The following CREBRF variants were observed in gnomAD, a reference collection of about 807,000 sequenced individuals.
The protein encoded by CREBRF is CREB3 regulatory factor, also known as UPF0474 protein C5orf41.
Under a neutral mutation model 66.1 loss-of-function variants are expected in CREBRF, and 5 were observed. The observed-to-expected ratio is 0.08, with a 90% confidence interval of 0.04 to 0.16. The LOEUF (loss-of-function observed/expected upper bound fraction) is 0.16, where lower values mean the gene tolerates loss of function less well. Ranked by LOEUF, CREBRF falls within the 10% of genes least tolerant of loss-of-function variation. The probability of loss-of-function intolerance (pLI) is 1.00; values close to 1 mark genes in which losing one functional copy is unlikely to be tolerated. For synonymous variants in CREBRF, 229 were observed against 264.4 expected (o/e 0.87, Z 1.30); for missense variants, 531 against 744.9 (o/e 0.71, Z 3.34).
At chr5:173,110,289 G>T (rs532412024) in intron 5 of CREBRF, 2 of 602,088 alleles carry the variant, frequency 3.3e-6, no homozygotes, top group African/African-American at 3.7e-5. Flanking sequence ...GAAGAACTTG[G>T]AAAAAGTTAG....
intron 1 of CREBRF, among the ~76,000 whole-genome samples, chr5:173,067,594 T>C (rs1757470186): frequency 6.6e-6 from 1 of 152,230 alleles, no homozygotes; most frequent in African/African-American, 2.4e-5. Flanking sequence ...ATTTAAATAC[T>C]GGTAGTTACA....
At chr5:173,063,705 T>TA (rs1458159711) in intron 1 of CREBRF, among the ~76,000 whole-genome samples, 13 of 150,818 alleles carry the variant, frequency 8.6e-5, no homozygotes, top group Admixed American at 4.6e-4. Flanking sequence ...ATTTCTTGAT[T>TA]AAAAAGAATT....
At chr5:173,089,731 G>GTGTTGT (rs886925464) in intron 3 of CREBRF, among the ~76,000 whole-genome samples, 32 of 151,602 alleles carry the variant, frequency 2.1e-4, no homozygotes, top group African/African-American at 7.8e-4. Flanking sequence ...GCCTGCCCAA[G>GTGTTGT]TGTTGTTATA....
chr5:173,090,317 T>C lies in CREBRF; in HGVS notation c.138T>C (p.Asp46=), dbSNP rs763786078. The change falls in exon 4 of 9, where the codon GAT becomes GAC. Residue 46 remains aspartate, a splice_region_variant and synonymous_variant. Coordinates refer to ENST00000296953, the MANE Select transcript of CREBRF (RefSeq NM_153607.3). The surrounding 1 kb of genome is among the most constrained non-coding windows in gnomAD (Gnocchi z 4.5). The part of the protein sequence containing the change: ...SSDPDFMYEL[D]REMNYQQNPR... ...TTCTTTTTTAAAACCTTTCTCAGGA[T>C]AGAGAGATGAACTACCAACAGAATC... The C allele has an allele frequency of 3.8e-6, 6 of 1,590,214 alleles. No individual in the cohort carries two copies. In the South Asian group the frequency reaches 6.7e-5, roughly 18 times the overall value.
At chr5:173,067,135 G>T (rs1471052896) in intron 1 of CREBRF, among the ~76,000 whole-genome samples, 1 of 152,108 alleles carries the variant, frequency 6.6e-6, no homozygotes, top group Non-Finnish European at 1.5e-5. Context: ...CTCGGCCTGA[G>T]CCTTTGTCAT....
chr5:173,064,617 T>C (rs970539216), intron 1 of CREBRF, among the ~76,000 whole-genome samples: 11 of 143,040 alleles, frequency 7.7e-5, no homozygotes, highest in Admixed American at 1.5e-4. Context: ...CCAGGCGGAG[T>C]GCAATGGCAC....
chr5:173,115,079 A>G (rs1057384019), intron 7 of CREBRF, among the ~76,000 whole-genome samples: 2 of 149,666 alleles, frequency 1.3e-5, no homozygotes, highest in East Asian at 1.9e-4. Flanking sequence ...TTTAGATTTT[A>G]TAGTGTTTTT....
rs901759012 is a variant in CREBRF, at chr5:173,134,283, TATATATACAC to T, written c.*540_*549del. Reference sequence around the variant, plus strand: ...ATATATAAATATATATATATATATATATATATACACACACACACACAAATGTCTGTGCAAG... The same window carrying T: ...ATATATAAATATATATATATATATATACACACACACAAATGTCTGTGCAAG... On this transcript the variant is annotated 3_prime_UTR_variant, in exon 9 of 9. Coordinates refer to ENST00000296953, the MANE Select transcript of CREBRF (RefSeq NM_153607.3). 1 of 158,192 alleles carries T rather than the reference TATATATACAC, an allele frequency of 6.3e-6. No individual in the cohort carries two copies. Among genetic ancestry groups the T allele is most frequent in the African/African-American group, 2.8e-5 (1 of 35,670 alleles). The allele number at this position is 158,192 out of a possible 1,614,324, so 9.8% of individuals were successfully genotyped here.
chr5:173,104,998 G>C lies in CREBRF; in HGVS notation c.1223-3626G>C, dbSNP rs1440177568. Among the ~76,000 whole-genome samples, 11 of 152,130 alleles carry C rather than the reference G, an allele frequency of 7.2e-5. 1 individual carries two copies. The highest frequency in any genetic ancestry group is 2.7e-4 in the African/African-American group (11 of 41,410). ...TAATTAGGCACAAGAAAAGTGGGAA[G>C]CCCCTGAGACACCTTGAGTTGTGGG... On this transcript the variant is annotated intron_variant, in intron 4 of 8. Coordinates refer to ENST00000296953, the MANE Select transcript of CREBRF (RefSeq NM_153607.3).
chr5:173,076,767 AAGAG>A (rs1270805962), intron 1 of CREBRF, among the ~76,000 whole-genome samples: 4 of 151,260 alleles, frequency 2.6e-5, no homozygotes, highest in East Asian at 1.9e-4. Flanking sequence ...AAAAAAAAAA[AAGAG>A]AGTGTTTAGA....
At chr5:173,112,252 ATAAAAT>A (rs1233567929) in intron 6 of CREBRF, 48 bp from the exon 7 acceptor site, 8 of 1,301,630 alleles carry the variant, frequency 6.1e-6, no homozygotes, top group South Asian at 4.1e-5. Context: ...ATTAAAAATA[ATAAAAT>A]TAAAATTAAG....
In CREBRF at chr5:173,108,611, A is replaced by T. The variant is rs1561811240; in HGVS notation, c.1223-13A>T. 6.3e-7 allele frequency: 1 copy of T among 1,595,810 alleles called. No homozygotes were observed. Among genetic ancestry groups the T allele is most frequent in the Non-Finnish European group, 8.5e-7 (1 of 1,175,508 alleles). On this transcript the variant is annotated splice_polypyrimidine_tract_variant and intron_variant, in intron 4 of 8. Coordinates refer to ENST00000296953, the MANE Select transcript of CREBRF (RefSeq NM_153607.3). ...ATTTATGGAGCTTAAAAATTGCGGG[A>T]CCTTTTTTTAAGGCTATGAAAATGA... is the stretch of plus-strand genomic sequence containing the variant.
chr5:173,102,948 A>G (rs1459764646), intron 4 of CREBRF, among the ~76,000 whole-genome samples: 1 of 152,142 alleles, frequency 6.6e-6, no homozygotes, highest in Non-Finnish European at 1.5e-5. Flanking sequence ...TCTTGACTTC[A>G]TTCCTTCTGG....
intron 1 of CREBRF, among the ~76,000 whole-genome samples, chr5:173,067,637 C>G (rs768865730): frequency 2.6e-5 from 4 of 152,150 alleles, no homozygotes; most frequent in African/African-American, 4.8e-5. Flanking sequence ...TGATTTGCAA[C>G]TGAACACAAC....
chr5:173,128,413 G>T lies in CREBRF; in HGVS notation c.1804+5211G>T, dbSNP rs1307941491. Among the ~76,000 whole-genome samples, 3 of 151,086 alleles carry T rather than the reference G, an allele frequency of 2.0e-5. No individual in the cohort carries two copies. The South Asian group carries it at 6.2e-4, about 31-fold the overall frequency. ...AGATGTATTTTCTGTTTTATAATAA[G>T]ATTCCCACATATCGACTAGGTATTT... On this transcript the variant is annotated intron_variant, in intron 8 of 8. Coordinates refer to ENST00000296953, the MANE Select transcript of CREBRF (RefSeq NM_153607.3).
intron 8 of CREBRF, chr5:173,124,142 T>C (rs1220940157): frequency 6.6e-6 from 1 of 152,256 alleles, no homozygotes; most frequent in Admixed American, 6.5e-5. Context: ...GGTAAGCTTA[T>C]GTACTCCTTT....
intron 1 of CREBRF, among the ~76,000 whole-genome samples, chr5:173,063,247 A>G (rs897105287): frequency 1.3e-5 from 2 of 151,980 alleles, no homozygotes; most frequent in Non-Finnish European, 2.9e-5. Flanking sequence ...TCCGTACTTA[A>G]CTCTTGGCAA....
intron 2 of CREBRF, chr5:173,086,166 C>A: frequency 1.3e-6 from 1 of 775,454 alleles, no homozygotes; most frequent in Non-Finnish European, 2.4e-6. Flanking sequence ...ACATGTTTTG[C>A]CAACAGCACC....
At position 173,056,385 on chromosome 5, in the gene CREBRF, G is replaced by C. The variant is rs1450320268; in HGVS notation, c.-286G>C. 2 of 398,090 alleles carry C rather than the reference G, an allele frequency of 5.0e-6. No homozygotes were observed. The highest frequency in any genetic ancestry group is 8.9e-6 in the Non-Finnish European group (2 of 225,790). The allele number at this position is 398,090 out of a possible 1,614,324, so 24.7% of individuals were successfully genotyped here. On this transcript the variant is annotated 5_prime_UTR_variant, in exon 1 of 9. Transcript: ENST00000296953. Reference sequence around the variant, plus strand: ...CGATTTCCGGGAACCCGTCAGGAAGGACATAAACAAAACAAACCCGAGGCA... The same window carrying C: ...CGATTTCCGGGAACCCGTCAGGAAGCACATAAACAAAACAAACCCGAGGCA...
Sources: gnomAD v4.1 joint callset for allele counts (sites outside exome capture counted in the v4.1 genomes callset) on GRCh38, gnomAD v4.1.1 for gene constraint, Gnocchi (gnomAD v3.1) non-coding constraint, MANE v1.5 for transcripts, NCBI Gene and HGNC (gene_info 2026-07-23, HGNC 2026-07-21) for gene names.